SLC24A3: variants seen among roughly 807,000 people sequenced by gnomAD.
The protein encoded by SLC24A3 is solute carrier family 24 member 3, also known as sodium/potassium/calcium exchanger 3.
A neutral mutation model predicts 75.8 loss-of-function variants in SLC24A3; 28 were observed. That is an observed-to-expected ratio of 0.37 (90% CI 0.27 to 0.51). SLC24A3 has a LOEUF of 0.51. SLC24A3 is among the 20% of genes least tolerant of loss of function. The pLI is 0.94. For missense variants in SLC24A3, 663 were observed against 847.8 expected (o/e 0.78, Z 2.71); for synonymous variants, 372 against 334.1 (o/e 1.11, Z -1.24).
At chr20:19,244,370 TGTG>T (rs1409486648) in intron 1 of SLC24A3, 7 of 151,924 alleles carry the variant, frequency 4.6e-5, no homozygotes, top group Non-Finnish European at 1.0e-4. Flanking sequence ...AGAAAGAAGG[TGTG>T]GTGAGAACAT....
intron 2 of SLC24A3, among the ~76,000 whole-genome samples, chr20:19,364,108 C>T (rs1431013165): frequency 1.3e-5 from 2 of 152,122 alleles, no homozygotes; most frequent in South Asian, 2.1e-4. Context: ...GCTGTGCTGT[C>T]CCACAGCCTG....
chr20:19,347,513 A>G (rs1985453959), intron 2 of SLC24A3, among the ~76,000 whole-genome samples: 1 of 152,232 alleles, frequency 6.6e-6, no homozygotes, highest in African/African-American at 2.4e-5. Flanking sequence ...AGCTTTTCCC[A>G]AAACCACTCT....
intron 2 of SLC24A3, among the ~76,000 whole-genome samples, chr20:19,402,991 C>T (rs1016128792): frequency 7.2e-5 from 11 of 152,216 alleles, no homozygotes; most frequent in African/African-American, 2.7e-4. Context: ...AACTTTTAAT[C>T]ACTGTAATTA....
intron 6 of SLC24A3, among the ~76,000 whole-genome samples, chr20:19,624,354 G>A (rs1018416774): frequency 3.3e-4 from 50 of 152,284 alleles, no homozygotes; most frequent in African/African-American, 1.1e-3. Context: ...TATCTGGGAA[G>A]GAAATGCACA....
chr20:19,252,927 G>A (rs924452148), intron 1 of SLC24A3, among the ~76,000 whole-genome samples: 3 of 152,174 alleles, frequency 2.0e-5, no homozygotes, highest in Admixed American at 2.0e-4. Flanking sequence ...CAATCTCATG[G>A]TACAGCTTTG....
intron 2 of SLC24A3, among the ~76,000 whole-genome samples, chr20:19,472,173 C>G (rs906604746): frequency 2.0e-5 from 3 of 152,286 alleles, no homozygotes; most frequent in African/African-American, 7.2e-5. Context: ...TGTGCTTTCC[C>G]TATGGAAATG....
At position 19,684,160 on chromosome 20, in the gene SLC24A3, T is replaced by A. The variant is rs375189967; in HGVS notation, c.902-16T>A. On this transcript the variant is annotated splice_polypyrimidine_tract_variant and intron_variant, in intron 10 of 16. Coordinates refer to ENST00000328041, the MANE Select transcript of SLC24A3 (RefSeq NM_020689.4). Reference sequence around the variant, plus strand: ...GGCCTCCATGTTATTTTACCTTATGTTTTTCGTTTCCCTAGCAAATTTCCA... The same window carrying A: ...GGCCTCCATGTTATTTTACCTTATGATTTTCGTTTCCCTAGCAAATTTCCA... 2.9e-5 allele frequency: 47 copies of A among 1,610,246 alleles called. No individual in the cohort carries two copies. Among genetic ancestry groups the A allele is most frequent in the Admixed American group, 1.7e-4 (10 of 59,908 alleles).
chr20:19,232,113 A>G (rs560888476), intron 1 of SLC24A3, among the ~76,000 whole-genome samples: 3 of 150,892 alleles, frequency 2.0e-5, no homozygotes, highest in East Asian at 4.0e-4. Context: ...TGTAGATTAT[A>G]TAAGTAATAA....
chr20:19,362,829 T>C (rs1296337521), intron 2 of SLC24A3, among the ~76,000 whole-genome samples: 1 of 152,036 alleles, frequency 6.6e-6, no homozygotes, highest in Non-Finnish European at 1.5e-5. Flanking sequence ...TCTCCATGGG[T>C]CTCGGGGCAA....
At chr20:19,678,588 T>C (rs1377745058) in intron 9 of SLC24A3, among the ~76,000 whole-genome samples, 106 of 112,584 alleles carry the variant, frequency 9.4e-4, no homozygotes, top group Middle Eastern at 0.019. Flanking sequence ...TAGGGGCGGC[T>C]GGGCAGAGGC....
intron 3 of SLC24A3, among the ~76,000 whole-genome samples, chr20:19,552,237 T>C (rs930910439): frequency 3.3e-5 from 5 of 152,112 alleles, no homozygotes; most frequent in African/African-American, 1.2e-4. Flanking sequence ...TAAGACTCTC[T>C]CTCCAGCAGA....
intron 2 of SLC24A3, among the ~76,000 whole-genome samples, chr20:19,292,157 C>T (rs1983957276): frequency 6.6e-6 from 1 of 152,158 alleles, no homozygotes; most frequent in African/African-American, 2.4e-5. Flanking sequence ...AAGTGGGGAT[C>T]ATTCATGAGT....
intron 6 of SLC24A3, among the ~76,000 whole-genome samples, chr20:19,588,898 G>A (rs1600292459): frequency 6.6e-6 from 1 of 152,180 alleles, no homozygotes; most frequent in East Asian, 1.9e-4. Flanking sequence ...GTTATTACAG[G>A]CCGGCAGATG....
intron 2 of SLC24A3, among the ~76,000 whole-genome samples, chr20:19,404,937 G>GT (rs1352287076): frequency 6.6e-6 from 1 of 152,186 alleles, no homozygotes; most frequent in African/African-American, 2.4e-5. Flanking sequence ...AGGCCAGTCA[G>GT]TTTTTTTCCA....
At chr20:19,594,988 T>A (rs1177252559) in intron 6 of SLC24A3, among the ~76,000 whole-genome samples, 9 of 152,290 alleles carry the variant, frequency 5.9e-5, no homozygotes, top group African/African-American at 1.9e-4. Context: ...AGACTCTGAT[T>A]TGGTGCAGTT....
chr20:19,508,730 G>A (rs1470489180), intron 2 of SLC24A3, among the ~76,000 whole-genome samples: 2 of 152,264 alleles, frequency 1.3e-5, no homozygotes, highest in East Asian at 1.9e-4. Flanking sequence ...AGGAAAATTG[G>A]GGGATGAAAG....
At chr20:19,404,853 G>A (rs1986614633) in intron 2 of SLC24A3, among the ~76,000 whole-genome samples, 1 of 152,138 alleles carries the variant, frequency 6.6e-6, no homozygotes, top group African/African-American at 2.4e-5. Flanking sequence ...CTTTCACCTG[G>A]TGCCCAAGCA....
chr20:19,387,906 A>C (rs1370914259), intron 2 of SLC24A3, among the ~76,000 whole-genome samples: 1 of 152,152 alleles, frequency 6.6e-6, no homozygotes, highest in East Asian at 1.9e-4. Context: ...TCCTTTGTTG[A>C]AAGTAGAGTA....
At chr20:19,716,767 A>G (rs1198482609) in intron 15 of SLC24A3, among the ~76,000 whole-genome samples, 1 of 152,028 alleles carries the variant, frequency 6.6e-6, no homozygotes, top group Non-Finnish European at 1.5e-5. Flanking sequence ...TGTAGTCCTC[A>G]GGAGGCTGAG....
Sources: gnomAD v4.1 joint callset for allele counts (sites outside exome capture counted in the v4.1 genomes callset) on GRCh38, gnomAD v4.1.1 for gene constraint, MANE v1.5 for transcripts, NCBI Gene and HGNC (gene_info 2026-07-23, HGNC 2026-07-21) for gene names.